Variants in CDH12 observed in about 807,000 individuals in gnomAD.
CDH12 encodes the protein cadherin 12.
Under a neutral mutation model 74.1 loss-of-function variants are expected in CDH12, and 41 were observed. The observed-to-expected ratio is 0.55, with a 90% CI of 0.43 to 0.72. The LOEUF is 0.72. Ranked by LOEUF, CDH12 falls within the 30% of genes least tolerant of loss-of-function variation. The pLI, the probability that CDH12 is intolerant of heterozygous loss-of-function variation, is 0.00. For synonymous variants in CDH12, 399 were observed against 355.0 expected (o/e 1.12, Z -1.39); for missense variants, 945 against 977.2 (o/e 0.97, Z 0.44).
chr5:22,340,400 G>C, intron 3 of CDH12, among the ~76,000 whole-genome samples: 1 of 151,958 alleles, frequency 6.6e-6, no homozygotes, highest in African/African-American at 2.4e-5. Flanking sequence ...GGTGGCGGGT[G>C]CCTGTAGTCC....
chr5:21,798,975 G>T (rs1415351458), intron 10 of CDH12, among the ~76,000 whole-genome samples: 1 of 152,094 alleles, frequency 6.6e-6, no homozygotes, highest in African/African-American at 2.4e-5. Flanking sequence ...GTTTTGAAGT[G>T]CTAAAATTAT....
intron 1 of CDH12, among the ~76,000 whole-genome samples, chr5:22,544,468 G>A (rs939198520): frequency 6.6e-6 from 1 of 152,074 alleles, no homozygotes. Context: ...AAAATAATAT[G>A]TATAATATTA....
chr5:22,271,248 A>T (rs1736387017), intron 3 of CDH12, among the ~76,000 whole-genome samples: 1 of 152,192 alleles, frequency 6.6e-6, no homozygotes, highest in Admixed American at 6.6e-5. Context: ...CCAGGAGTAG[A>T]TTCTAGCTCA....
At chr5:22,115,416 AC>A (rs1389089511) in intron 4 of CDH12, among the ~76,000 whole-genome samples, 4 of 152,196 alleles carry the variant, frequency 2.6e-5, no homozygotes, top group African/African-American at 9.6e-5. Context: ...TAAGATCAGA[AC>A]CTGCATTGTA....
At chr5:21,793,290 A>C (rs1746604287) in intron 10 of CDH12, among the ~76,000 whole-genome samples, 1 of 151,746 alleles carries the variant, frequency 6.6e-6, no homozygotes, top group South Asian at 2.1e-4. Flanking sequence ...AATAGCAAAC[A>C]AACTATTTTG....
intron 1 of CDH12, among the ~76,000 whole-genome samples, chr5:22,526,949 G>A (rs1007775195): frequency 7.2e-5 from 11 of 152,066 alleles, no homozygotes; most frequent in African/African-American, 2.7e-4. Context: ...CTCATGGTGG[G>A]TTCAGAGACC....
At chr5:21,976,301 A>C (rs1757067789) in intron 5 of CDH12, among the ~76,000 whole-genome samples, 1 of 152,158 alleles carries the variant, frequency 6.6e-6, no homozygotes, top group Non-Finnish European at 1.5e-5. Context: ...GATACACATG[A>C]ATAAGCGATA....
chr5:21,880,311 T>C (rs879801424), intron 6 of CDH12, among the ~76,000 whole-genome samples: 1 of 152,220 alleles, frequency 6.6e-6, no homozygotes, highest in Non-Finnish European at 1.5e-5. Context: ...TTCTATAGAA[T>C]CTGTTAGTTT....
chr5:22,137,202 C>A lies in CDH12; in HGVS notation c.-186-58340G>T, dbSNP rs2150293467. On this transcript the variant is annotated intron_variant, in intron 4 of 14. Coordinates refer to ENST00000382254, the MANE Select transcript of CDH12 (RefSeq NM_004061.5). Reference sequence around the variant, plus strand: ...TGACATCAAACACATATTGTTTGAACTTTGTTTTTCATATTTTGTACATTA... The same window carrying A: ...TGACATCAAACACATATTGTTTGAAATTTGTTTTTCATATTTTGTACATTA... Among the ~76,000 whole-genome samples, 4 of 152,098 alleles carry A rather than the reference C, an allele frequency of 2.6e-5. No individual in the cohort carries two copies. In the East Asian group the frequency reaches 7.7e-4, roughly 29 times the overall value.
rs775976557 is a variant in CDH12, at chr5:22,360,582, C to G, written c.-333+44675G>C. 8.5e-5 allele frequency among the ~76,000 whole-genome samples: 13 copies of G among 152,096 alleles called. No homozygotes were observed. The East Asian group carries it at 9.7e-4, about 11-fold the overall frequency. ...AAATCCTCCCTAACTCATTTTATGA[C>G]GCCAGCATCATCCTGATACCAAAGC... On this transcript the variant is annotated intron_variant, in intron 3 of 14. Coordinates refer to ENST00000382254, the MANE Select transcript of CDH12 (RefSeq NM_004061.5).
intron 6 of CDH12, among the ~76,000 whole-genome samples, chr5:21,906,865 C>T (rs7731518): frequency 0.73 from 110,674 of 152,064 alleles, 42,779 homozygotes; most frequent in Non-Finnish European, 0.85. Context: ...CATGTAGAGA[C>T]GAAGTCTCTC....
At chr5:21,814,612 CTATG>C (rs1274064539) in intron 9 of CDH12, among the ~76,000 whole-genome samples, 1 of 150,422 alleles carries the variant, frequency 6.6e-6, no homozygotes, top group Admixed American at 6.6e-5. Flanking sequence ...AAACATAAAA[CTATG>C]TGTGTGAATA....
At chr5:21,902,135 G>T (rs534687271) in intron 6 of CDH12, among the ~76,000 whole-genome samples, 1 of 151,980 alleles carries the variant, frequency 6.6e-6, no homozygotes, top group East Asian at 1.9e-4. Flanking sequence ...GCCTTCTGTA[G>T]GATCTATCTT....
intron 3 of CDH12, among the ~76,000 whole-genome samples, chr5:22,372,175 G>C (rs1446522157): frequency 2.0e-5 from 3 of 152,152 alleles, no homozygotes; most frequent in Non-Finnish European, 4.4e-5. Context: ...CAACAAGGCT[G>C]ACCAGAAGCA....
chr5:22,088,450 T>A (rs1278193329), intron 4 of CDH12, among the ~76,000 whole-genome samples: 1 of 152,022 alleles, frequency 6.6e-6, no homozygotes, highest in East Asian at 1.9e-4. Flanking sequence ...AAATTCCACA[T>A]TCGTAGGGGT....
At chr5:21,832,840 A>C (rs1446925981) in intron 8 of CDH12, among the ~76,000 whole-genome samples, 1 of 104,338 alleles carries the variant, frequency 9.6e-6, no homozygotes, top group South Asian at 2.8e-4. Flanking sequence ...TAATAATATA[A>C]ATCATATGAT....
chr5:22,831,561 A>C (rs1461254121), intron 1 of CDH12, among the ~76,000 whole-genome samples: 1 of 152,112 alleles, frequency 6.6e-6, no homozygotes, highest in Non-Finnish European at 1.5e-5. Context: ...TTATAAAAAC[A>C]AAAACCAGGA....
intron 4 of CDH12, among the ~76,000 whole-genome samples, chr5:22,167,785 C>A (rs1233233277): frequency 6.6e-6 from 1 of 152,056 alleles, no homozygotes; most frequent in Admixed American, 6.6e-5. Flanking sequence ...CTTAGGTCTG[C>A]TTTGTTAATG....
intron 1 of CDH12, among the ~76,000 whole-genome samples, chr5:22,746,848 A>C (rs910805464): frequency 4.6e-5 from 7 of 152,226 alleles, no homozygotes; most frequent in African/African-American, 1.4e-4. Flanking sequence ...TTTACACCTC[A>C]AACTATGACT....
Sources: allele counts gnomAD v4.1 joint callset (sites outside exome capture counted in the v4.1 genomes callset), GRCh38; gene constraint gnomAD v4.1.1; transcripts MANE v1.5; gene names NCBI Gene and HGNC (gene_info 2026-07-23, HGNC 2026-07-21).